Variants in CTNND2 observed in about 807,000 individuals in gnomAD.
CTNND2 encodes the protein catenin delta 2.
In CTNND2, 22 loss-of-function variants were observed where a neutral mutation model predicts 144.4. That is an observed-to-expected ratio of 0.15 (90% CI 0.11 to 0.22). The LOEUF (loss-of-function observed/expected upper bound fraction) is 0.22. Among genes scored for constraint, CTNND2 ranks in the 10% least tolerant of loss-of-function variants. The pLI is 1.00. For synonymous variants in CTNND2, 751 were observed against 695.6 expected (o/e 1.08, Z -1.25); for missense variants, 1,353 against 1,618.8 (o/e 0.84, Z 2.82).
intron 2 of CTNND2, among the ~76,000 whole-genome samples, chr5:11,624,035 A>T (rs1781020658): frequency 6.6e-6 from 1 of 151,418 alleles, no homozygotes; most frequent in Non-Finnish European, 1.5e-5. Context: ...GACCATATAG[A>T]CTTCTTTTTG....
intron 3 of CTNND2, among the ~76,000 whole-genome samples, chr5:11,479,495 A>G (rs992823461): frequency 2.6e-5 from 4 of 152,202 alleles, no homozygotes; most frequent in Non-Finnish European, 5.9e-5. Flanking sequence ...AACAATTTAT[A>G]TTCCTTTGGT....
intron 1 of CTNND2, among the ~76,000 whole-genome samples, chr5:11,744,234 T>A (rs1788179390): frequency 6.6e-6 from 1 of 152,232 alleles, no homozygotes; most frequent in South Asian, 2.1e-4. Context: ...GAAAAGGTAG[T>A]GCTTTTAAAA....
At chr5:11,057,721 T>C (rs1746485286) in intron 16 of CTNND2, among the ~76,000 whole-genome samples, 1 of 152,144 alleles carries the variant, frequency 6.6e-6, no homozygotes. Flanking sequence ...GTTGGAACAA[T>C]TTGAAGGGCT....
At chr5:11,285,102 A>C (rs1747591731) in intron 9 of CTNND2, among the ~76,000 whole-genome samples, 2 of 152,098 alleles carry the variant, frequency 1.3e-5, no homozygotes, top group African/African-American at 2.4e-5. Context: ...TTGATATCTG[A>C]TTCCCCTTAA....
chr5:11,399,300 G>A (rs1326147067), intron 5 of CTNND2, among the ~76,000 whole-genome samples: 1 of 152,178 alleles, frequency 6.6e-6, no homozygotes, highest in East Asian at 1.9e-4. Context: ...CAACGACAGT[G>A]CACAGACCTT....
chr5:11,305,708 T>C (rs1022903325), intron 9 of CTNND2, among the ~76,000 whole-genome samples: 2 of 152,206 alleles, frequency 1.3e-5, no homozygotes, highest in Non-Finnish European at 2.9e-5. Flanking sequence ...CTATGTTAAG[T>C]GTCAGGAAGG....
chr5:11,196,129 C>T (rs1182127439), intron 11 of CTNND2, among the ~76,000 whole-genome samples: 1 of 152,132 alleles, frequency 6.6e-6, no homozygotes, highest in Non-Finnish European at 1.5e-5. Flanking sequence ...ATATTCAATA[C>T]ATAATTTAAA....
intron 2 of CTNND2, among the ~76,000 whole-genome samples, chr5:11,661,219 A>C (rs1457496750): frequency 6.6e-6 from 1 of 152,186 alleles, no homozygotes; most frequent in Non-Finnish European, 1.5e-5. Context: ...ATTAGGTTTC[A>C]GGAAAATAAA....
intron 14 of CTNND2, among the ~76,000 whole-genome samples, chr5:11,108,194 AG>A (rs1181726987): frequency 3.3e-5 from 5 of 152,182 alleles, no homozygotes; most frequent in Admixed American, 3.3e-4. Context: ...GAGTGGGGAA[AG>A]GGAGGGCCAG....
At chr5:11,111,114 A>G in intron 13 of CTNND2, 71 bp from the exon 14 acceptor site, 1 of 1,488,208 alleles carries the variant, frequency 6.7e-7, no homozygotes, top group African/African-American at 1.4e-5. Flanking sequence ...TTCCACCTGG[A>G]AAGGCCTCTT....
At chr5:11,533,930 A>C (rs1431793167) in intron 3 of CTNND2, among the ~76,000 whole-genome samples, 1 of 152,200 alleles carries the variant, frequency 6.6e-6, no homozygotes, top group Non-Finnish European at 1.5e-5. Context: ...ATTATTCTGG[A>C]GAGCATTCTG....
rs34097721 is a variant in CTNND2 at position 11,212,839 on chromosome 5, G to GA, written c.1762-13179dup. 6.8e-4 allele frequency among the ~76,000 whole-genome samples: 104 copies of GA among 152,298 alleles called. 1 individual carries two copies. The highest frequency in any genetic ancestry group is 2.4e-3 in the African/African-American group (99 of 41,586). On this transcript the variant is annotated intron_variant, in intron 10 of 21. Transcript: ENST00000304623. The stretch of plus-strand genomic sequence containing the variant: ...GAGGTAAGAGACAGGGAGCGTGGGG[G>GA]ATGCTGGGAGGAGACTAGACTGGAG...
intron 3 of CTNND2, among the ~76,000 whole-genome samples, chr5:11,469,464 A>G (rs114002655): frequency 0.013 from 1,941 of 152,292 alleles, 41 homozygotes; most frequent in African/African-American, 0.043. Flanking sequence ...AAGGCATAAC[A>G]CTGCTGCATT....
At chr5:11,867,375 A>T (rs67187548) in intron 1 of CTNND2, among the ~76,000 whole-genome samples, 31,775 of 152,198 alleles carry the variant, frequency 0.21, 3,926 homozygotes, top group Non-Finnish European at 0.28. Flanking sequence ...ATCACAGAAA[A>T]CATTACAGGC....
At chr5:11,870,358 A>G (rs1161504764) in intron 1 of CTNND2, among the ~76,000 whole-genome samples, 1 of 152,206 alleles carries the variant, frequency 6.6e-6, no homozygotes, top group Non-Finnish European at 1.5e-5. Flanking sequence ...CATAATGCCA[A>G]TAGTGCTGAA....
At chr5:11,818,741 A>G (rs1022226064) in intron 1 of CTNND2, among the ~76,000 whole-genome samples, 1 of 152,168 alleles carries the variant, frequency 6.6e-6, no homozygotes, top group African/African-American at 2.4e-5. Flanking sequence ...AGCAAATTAA[A>G]TAAGAGTACA....
At chr5:11,163,536 T>C (rs1759001193) in intron 11 of CTNND2, among the ~76,000 whole-genome samples, 1 of 152,210 alleles carries the variant, frequency 6.6e-6, no homozygotes, top group South Asian at 2.1e-4. Flanking sequence ...CAATAGACAA[T>C]ATACCTTTCC....
intron 13 of CTNND2, among the ~76,000 whole-genome samples, chr5:11,113,627 T>C (rs1753244988): frequency 6.6e-6 from 1 of 152,362 alleles, no homozygotes; most frequent in Middle Eastern, 3.4e-3. Flanking sequence ...CCAAGTTTTA[T>C]TTGAAGAATC....
chr5:11,675,777 T>C (rs1784144503), intron 2 of CTNND2, among the ~76,000 whole-genome samples: 1 of 152,056 alleles, frequency 6.6e-6, no homozygotes, highest in African/African-American at 2.4e-5. Flanking sequence ...TGTATGTGTG[T>C]GTGGAGGCTT....
Sources: gnomAD v4.1 joint callset for allele counts (sites outside exome capture counted in the v4.1 genomes callset) on GRCh38, gnomAD v4.1.1 for gene constraint, MANE v1.5 for transcripts, NCBI Gene and HGNC (gene_info 2026-07-23, HGNC 2026-07-21) for gene names.